The following SLC44A5 variants were observed in gnomAD, a reference collection of about 807,000 sequenced individuals.
The protein encoded by SLC44A5 is choline transporter-like protein 5.
SLC44A5 carries 57 observed loss-of-function variants against 101.8 expected under a neutral mutation model. The observed-to-expected ratio is 0.56, with a 90% CI of 0.45 to 0.70. The LOEUF is 0.70. Ranked by LOEUF, SLC44A5 falls within the 30% of genes least tolerant of loss-of-function variation. SLC44A5 has a pLI of 0.00. For missense variants in SLC44A5, 737 were observed against 853.1 expected (o/e 0.86, Z 1.70); for synonymous variants, 281 against 290.9 (o/e 0.97, Z 0.35).
rs553391059 is a variant in SLC44A5 at position 75,573,612 on chromosome 1, G to T, written c.-69-32096C>A. On this transcript the variant is annotated intron_variant, in intron 1 of 23. Coordinates refer to ENST00000370859, the MANE Select transcript of SLC44A5 (RefSeq NM_001130058.2). ...AATGAATATGTTTAACCGTTGCTGG[G>T]TATCGTCCTGACTACTAAAAGTGAC... is the stretch of plus-strand genomic sequence containing the variant. Among the ~76,000 whole-genome samples the T allele has an allele frequency of 8.5e-5, 13 of 152,188 alleles. No homozygotes were observed. In the South Asian group the frequency reaches 2.7e-3, roughly 32 times the overall value.
chr1:75,488,122 G>A (rs1668249097), intron 2 of SLC44A5, among the ~76,000 whole-genome samples: 1 of 152,074 alleles, frequency 6.6e-6, no homozygotes, highest in African/African-American at 2.4e-5. Flanking sequence ...ATAAGCTCAG[G>A]CCTCCCACTG....
At chr1:75,509,824 T>C (rs1166441788) in intron 2 of SLC44A5, among the ~76,000 whole-genome samples, 1 of 152,194 alleles carries the variant, frequency 6.6e-6, no homozygotes, top group African/African-American at 2.4e-5. Context: ...GTATTTTAAA[T>C]ACTGGTAAAG....
chr1:75,602,710 A>G (rs1407006969), intron 1 of SLC44A5, among the ~76,000 whole-genome samples: 1 of 152,132 alleles, frequency 6.6e-6, no homozygotes, highest in African/African-American at 2.4e-5. Flanking sequence ...GATAAATAAG[A>G]AAAATGTGTT....
intron 3 of SLC44A5, among the ~76,000 whole-genome samples, chr1:75,341,255 C>T (rs1657855807): frequency 6.6e-6 from 1 of 152,154 alleles, no homozygotes; most frequent in Non-Finnish European, 1.5e-5. Flanking sequence ...AATCCTAGCA[C>T]TTTGAAAAGC....
At chr1:75,690,064 C>T in the SLC44A5 span, among the ~76,000 whole-genome samples, 1 of 152,118 alleles carries the variant, frequency 6.6e-6, no homozygotes, top group Admixed American at 6.6e-5. Flanking sequence ...TAACCTCCTC[C>T]CTCATCAACA....
At chr1:75,372,071 C>T (rs946694154) in intron 3 of SLC44A5, among the ~76,000 whole-genome samples, 2 of 151,964 alleles carry the variant, frequency 1.3e-5, no homozygotes, top group Non-Finnish European at 2.9e-5. Flanking sequence ...TTGGCACATG[C>T]CTGTAATTCC....
At chr1:75,478,045 G>C (rs1360994527) in intron 2 of SLC44A5, among the ~76,000 whole-genome samples, 1 of 152,234 alleles carries the variant, frequency 6.6e-6, no homozygotes, top group African/African-American at 2.4e-5. Context: ...CAGACTAACA[G>C]CGGATCTCCC....
At chr1:75,309,575 T>C (rs1022820848) in intron 4 of SLC44A5, among the ~76,000 whole-genome samples, 4 of 152,234 alleles carry the variant, frequency 2.6e-5, no homozygotes, top group Admixed American at 2.6e-4. Flanking sequence ...TTGACATAAA[T>C]AACAGCAAAC....
chr1:75,468,962 C>T (rs999529416), intron 2 of SLC44A5, among the ~76,000 whole-genome samples: 6 of 151,980 alleles, frequency 3.9e-5, no homozygotes, highest in African/African-American at 1.5e-4. Context: ...CTGCTATGTA[C>T]CCACAAAAAT....
chr1:75,620,652 C>A, the SLC44A5 span, among the ~76,000 whole-genome samples: 3 of 152,122 alleles, frequency 2.0e-5, no homozygotes, highest in South Asian at 2.1e-4. Flanking sequence ...CTGTTCATAT[C>A]CTTTGCCCAC....
chr1:75,266,516 T>G (rs1410965543), intron 6 of SLC44A5, among the ~76,000 whole-genome samples: 1 of 152,194 alleles, frequency 6.6e-6, no homozygotes, highest in African/African-American at 2.4e-5. Flanking sequence ...TGTGCTACCT[T>G]TGCCATTTAA....
chr1:75,597,757 G>A (rs886975732), intron 1 of SLC44A5, among the ~76,000 whole-genome samples: 1 of 152,106 alleles, frequency 6.6e-6, no homozygotes, highest in African/African-American at 2.4e-5. Context: ...ATTGAAACTG[G>A]ACCTCTTTCT....
intron 13 of SLC44A5, among the ~76,000 whole-genome samples, chr1:75,224,250 C>A (rs1413223865): frequency 6.6e-6 from 1 of 152,168 alleles, no homozygotes; most frequent in African/African-American, 2.4e-5. Flanking sequence ...TATAAAAGTA[C>A]AGCACATACA....
At chr1:75,691,662 T>C in the SLC44A5 span, among the ~76,000 whole-genome samples, 3 of 152,276 alleles carry the variant, frequency 2.0e-5, no homozygotes, top group East Asian at 5.8e-4. Flanking sequence ...GGGAGCTAAG[T>C]TGACCCACCC....
At chr1:75,206,678 A>G in intron 23 of SLC44A5, 1 of 1,613,184 alleles carries the variant, frequency 6.2e-7, no homozygotes, top group Non-Finnish European at 8.5e-7. Context: ...GTTACGAAGT[A>G]GGGTTTTTCT....
the SLC44A5 span, among the ~76,000 whole-genome samples, chr1:75,675,077 T>C: frequency 2.0e-5 from 3 of 152,210 alleles, no homozygotes; most frequent in Non-Finnish European, 2.9e-5. Context: ...TGCTTAGGAC[T>C]CTGTCTTGGC....
chr1:75,406,667 C>A (rs1271255952), intron 2 of SLC44A5, among the ~76,000 whole-genome samples: 1 of 152,148 alleles, frequency 6.6e-6, no homozygotes. Flanking sequence ...AACAGCCCTT[C>A]ATGCTAAAAA....
intron 2 of SLC44A5, among the ~76,000 whole-genome samples, chr1:75,443,981 GC>G (rs2101634615): frequency 6.6e-6 from 1 of 151,992 alleles, no homozygotes; most frequent in South Asian, 2.1e-4. Context: ...TATACATATG[GC>G]ATCATTTTAC....
At chr1:75,348,284 G>T (rs1307840861) in intron 3 of SLC44A5, among the ~76,000 whole-genome samples, 1 of 152,068 alleles carries the variant, frequency 6.6e-6, no homozygotes, top group Non-Finnish European at 1.5e-5. Context: ...TACAGGAAAA[G>T]GGAGAATCCA....
Sources: allele counts gnomAD v4.1 joint callset (sites outside exome capture counted in the v4.1 genomes callset), GRCh38; gene constraint gnomAD v4.1.1; transcripts MANE v1.5; gene names NCBI Gene and HGNC (gene_info 2026-07-23, HGNC 2026-07-21).